SUSD1: variants seen among roughly 807,000 people sequenced by gnomAD.
SUSD1 encodes sushi domain-containing protein 1.
A neutral mutation model predicts 86.9 loss-of-function variants in SUSD1; 65 were observed. The observed-to-expected ratio is 0.75, with a 90% CI of 0.61 to 0.92. SUSD1 has a LOEUF of 0.92. Among genes scored for constraint, SUSD1 ranks in the 40% least tolerant of loss-of-function variants. The pLI is 0.00. For synonymous variants in SUSD1, 346 were observed against 350.0 expected (o/e 0.99, Z 0.13); for missense variants, 850 against 929.7 (o/e 0.91, Z 1.11).
At chr9:112,171,622 C>T (rs1046207426) in intron 1 of SUSD1, among the ~76,000 whole-genome samples, 4 of 152,126 alleles carry the variant, frequency 2.6e-5, no homozygotes, top group African/African-American at 7.2e-5. Context: ...TTAAGTAGCC[C>T]GCCATGGGAG....
intron 10 of SUSD1, among the ~76,000 whole-genome samples, chr9:112,087,900 A>G (rs1411740088): frequency 1.3e-5 from 2 of 152,206 alleles, no homozygotes; most frequent in African/African-American, 2.4e-5. Context: ...TCTGACCCAC[A>G]ACAATCAACC....
intron 16 of SUSD1, 49 bp downstream of exon 16, chr9:112,041,818 A>C: frequency 6.4e-7 from 1 of 1,565,472 alleles, no homozygotes; most frequent in Non-Finnish European, 8.7e-7. Flanking sequence ...ACTCTGACCC[A>C]TCCTCCCCTC....
At chr9:112,102,362 C>T (rs1027716427) in intron 8 of SUSD1, 77 bp from the exon 9 acceptor site, 5 of 662,002 alleles carry the variant, frequency 7.6e-6, no homozygotes, top group East Asian at 6.1e-5. Context: ...ACAAGTGAAA[C>T]TCTGACACCT....
At chr9:112,089,645 T>G (rs10759525) in intron 10 of SUSD1, among the ~76,000 whole-genome samples, 1 of 151,646 alleles carries the variant, frequency 6.6e-6, no homozygotes, top group Non-Finnish European at 1.5e-5. Context: ...AACCCTGTCT[T>G]TACTAAAAAT....
chr9:112,169,574 A>G (rs1308946679), intron 1 of SUSD1, among the ~76,000 whole-genome samples: 1 of 152,006 alleles, frequency 6.6e-6, no homozygotes, highest in Non-Finnish European at 1.5e-5. Flanking sequence ...CCATTCATTT[A>G]CGCCACACCC....
chr9:112,127,779 TAA>T (rs1026614669), intron 5 of SUSD1, among the ~76,000 whole-genome samples: 25 of 152,202 alleles, frequency 1.6e-4, no homozygotes, highest in African/African-American at 5.8e-4. Flanking sequence ...CAATTATTAT[TAA>T]GTGATAGGAT....
intron 8 of SUSD1, among the ~76,000 whole-genome samples, chr9:112,107,897 C>T (rs1830919724): frequency 6.6e-6 from 1 of 152,056 alleles, no homozygotes; most frequent in South Asian, 2.1e-4. Context: ...CCTGAATAAC[C>T]TTATTAATAA....
rs1168299275 is a variant in SUSD1, at chr9:112,074,454, C to T, written c.1753+4084G>A. 3.3e-5 allele frequency among the ~76,000 whole-genome samples: 5 copies of T among 152,166 alleles called. No homozygotes were observed. In the South Asian group the frequency reaches 8.3e-4, roughly 25 times the overall value. The stretch of plus-strand genomic sequence containing the variant: ...CCACCCCCTCGCCAGCCCCTGCTTT[C>T]CTGCATTCACCGAAACACTTGCCTC... On this transcript the variant is annotated intron_variant, in intron 12 of 16. Coordinates refer to ENST00000374270, the MANE Select transcript of SUSD1 (RefSeq NM_022486.5).
At chr9:112,100,084 G>A (rs1830564935) in intron 9 of SUSD1, among the ~76,000 whole-genome samples, 1 of 152,176 alleles carries the variant, frequency 6.6e-6, no homozygotes, top group African/African-American at 2.4e-5. Flanking sequence ...GCGTGTTTAG[G>A]CAATACGTCT....
chr9:112,094,105 C>G (rs777066286), intron 10 of SUSD1, among the ~76,000 whole-genome samples: 1 of 152,120 alleles, frequency 6.6e-6, no homozygotes, highest in Non-Finnish European at 1.5e-5. Flanking sequence ...CTCCCCTCCC[C>G]AAAGGCCTAC....
intron 9 of SUSD1, among the ~76,000 whole-genome samples, chr9:112,100,395 C>T (rs1047533684): frequency 6.6e-6 from 1 of 151,942 alleles, no homozygotes; most frequent in South Asian, 2.1e-4. Flanking sequence ...ACCGTGTTAG[C>T]CAGGATGGTC....
intron 1 of SUSD1, among the ~76,000 whole-genome samples, chr9:112,165,968 A>AGAAG (rs1291198066): frequency 1.3e-5 from 2 of 151,490 alleles, no homozygotes; most frequent in East Asian, 3.9e-4. Context: ...AAAGAAAGAA[A>AGAAG]GAAAGAAAGA....
intron 2 of SUSD1, among the ~76,000 whole-genome samples, chr9:112,153,420 A>C (rs1359766845): frequency 3.9e-5 from 6 of 152,132 alleles, no homozygotes; most frequent in Non-Finnish European, 8.8e-5. Flanking sequence ...GCATACATGG[A>C]GCTGTCATCT....
intron 12 of SUSD1, among the ~76,000 whole-genome samples, chr9:112,071,707 C>T (rs1829278342): frequency 6.6e-6 from 1 of 152,168 alleles, no homozygotes; most frequent in Non-Finnish European, 1.5e-5. Flanking sequence ...GTACTGCAAA[C>T]TTCAAGTAAA....
At position 112,149,444 on chromosome 9, in the gene SUSD1, C is replaced by G. The variant is rs201902014; in HGVS notation, c.218-45G>C. ...GCACCGGAAGAGCTATCAATCCACACCGACTTCAACAGCCCAGACTGTCCT... is the reference window on the plus strand; with the variant it reads ...GCACCGGAAGAGCTATCAATCCACAGCGACTTCAACAGCCCAGACTGTCCT... On this transcript the variant is annotated intron_variant, in intron 2 of 16. Transcript: ENST00000374270. 13 of 1,599,908 alleles carry G rather than the reference C, an allele frequency of 8.1e-6. No homozygotes were observed. In the East Asian group the frequency reaches 2.7e-4, roughly 33 times the overall value.
At chr9:112,096,748 C>T (rs750830646) in intron 10 of SUSD1, among the ~76,000 whole-genome samples, 6 of 152,170 alleles carry the variant, frequency 3.9e-5, no homozygotes, top group Non-Finnish European at 7.4e-5. Context: ...CTATGTTGCC[C>T]AGGCTGGTCT....
At position 112,100,265 on chromosome 9, in the gene SUSD1, C is replaced by T. The variant is rs147718153; in HGVS notation, c.1282-1603G>A. ...ACAGTGGTGCGATCTTGGCTCACTG[C>T]AAGCTCCACCTCCCAGGTTTACACC... is the stretch of plus-strand genomic sequence containing the variant. On this transcript the variant is annotated intron_variant, in intron 9 of 16. Transcript: ENST00000374270. Among the ~76,000 whole-genome samples, 436 of 152,242 alleles carry T rather than the reference C, an allele frequency of 2.9e-3. 3 individuals are homozygous for T. Among genetic ancestry groups the T allele is most frequent in the African/African-American group, 9.8e-3 (408 of 41,542 alleles).
chr9:112,167,019 G>C (rs923510511), intron 1 of SUSD1, among the ~76,000 whole-genome samples: 1 of 152,120 alleles, frequency 6.6e-6, no homozygotes, highest in African/African-American at 2.4e-5. Context: ...AACAATGAGA[G>C]GGTGAGACAG....
At chr9:112,154,530 C>A in intron 2 of SUSD1, among the ~76,000 whole-genome samples, 1 of 151,496 alleles carries the variant, frequency 6.6e-6, no homozygotes, top group East Asian at 1.9e-4. Flanking sequence ...ATCAAACAAA[C>A]AAAAAAAACT....
Sources: allele counts gnomAD v4.1 joint callset (sites outside exome capture counted in the v4.1 genomes callset), GRCh38; gene constraint gnomAD v4.1.1; transcripts MANE v1.5; gene names NCBI Gene and HGNC (gene_info 2026-07-23, HGNC 2026-07-21).